ABCC4: variants seen among roughly 807,000 people sequenced by gnomAD.
The protein encoded by ABCC4 is ATP-binding cassette sub-family C member 4.
In ABCC4, 102 loss-of-function variants were observed where a neutral mutation model predicts 168.5. The observed-to-expected ratio is 0.61, with a 90% CI of 0.52 to 0.71. The LOEUF (loss-of-function observed/expected upper bound fraction) is 0.71, where lower values mean the gene tolerates loss of function less well. Ranked by LOEUF, ABCC4 falls within the 30% of genes least tolerant of loss-of-function variation. The pLI is 0.00. For synonymous variants in ABCC4, 617 were observed against 590.7 expected (o/e 1.04, Z -0.65); for missense variants, 1,402 against 1,605.8 (o/e 0.87, Z 2.17).
At chr13:95,179,340 G>C (rs1038412635) in intron 11 of ABCC4, among the ~76,000 whole-genome samples, 11 of 152,202 alleles carry the variant, frequency 7.2e-5, no homozygotes, top group African/African-American at 2.7e-4. Flanking sequence ...GTCAGGAAAA[G>C]CCAAAGGGAA....
chr13:95,054,021 C>CTTTTTTTTTTTTTTTTTTT (rs55980425), intron 26 of ABCC4: 3 of 71,636 alleles, frequency 4.2e-5, no homozygotes, highest in African/African-American at 2.2e-4. Flanking sequence ...ATGGGACATC[C>CTTTTTTTTTTTTTTTTTTT]TTTTTTTTTT....
intron 29 of ABCC4, among the ~76,000 whole-genome samples, chr13:95,038,351 CCTG>C (rs956936056): frequency 1.4e-5 from 2 of 141,290 alleles, no homozygotes; most frequent in Non-Finnish European, 3.0e-5. Context: ...AGTCCCAGCC[CCTG>C]CTTTTAGGAA....
intron 26 of ABCC4, among the ~76,000 whole-genome samples, chr13:95,058,055 C>G (rs145385842): frequency 1.3e-5 from 2 of 152,184 alleles, no homozygotes; most frequent in Non-Finnish European, 1.5e-5. Context: ...GATCTTCTGA[C>G]GCTCACTAGC....
At chr13:95,123,431 C>T (rs569215360) in intron 19 of ABCC4, among the ~76,000 whole-genome samples, 1 of 152,258 alleles carries the variant, frequency 6.6e-6, no homozygotes, top group South Asian at 2.1e-4. Context: ...AGCACGATCT[C>T]GGCTCACCGC....
At chr13:95,164,553 G>A in intron 15 of ABCC4, 35 bp from the exon 16 acceptor site, 6 of 1,611,958 alleles carry the variant, frequency 3.7e-6, no homozygotes, top group Non-Finnish European at 5.1e-6. Context: ...AGACAAAACA[G>A]TATACAAAAC....
chr13:95,290,145 T>C (rs1487089698), intron 1 of ABCC4, among the ~76,000 whole-genome samples: 1 of 150,246 alleles, frequency 6.7e-6, no homozygotes, highest in African/African-American at 2.5e-5. Context: ...GATAGATAGA[T>C]AGATGATAGA....
In ABCC4 at chr13:95,238,002, C is replaced by T. The variant is rs560553514; in HGVS notation, c.307-3168G>A. On this transcript the variant is annotated intron_variant, in intron 3 of 30. Transcript: ENST00000645237. ...TTGAGGTCAGGAGGTCAAGACCAGC[C>T]TGGCCAACATGGTGAAACCCCATCT... is the stretch of plus-strand genomic sequence containing the variant. 2.8e-4 allele frequency among the ~76,000 whole-genome samples: 42 copies of T among 152,034 alleles called. 1 individual carries two copies. The South Asian group carries it at 4.8e-3, about 17-fold the overall frequency.
At chr13:95,057,738 C>T (rs1427531207) in intron 26 of ABCC4, among the ~76,000 whole-genome samples, 4 of 152,202 alleles carry the variant, frequency 2.6e-5, no homozygotes, top group South Asian at 2.1e-4. Context: ...CACAGAAACT[C>T]GTGCTCCACA....
At chr13:95,218,353 C>T (rs1308141658) in intron 4 of ABCC4, among the ~76,000 whole-genome samples, 2 of 152,148 alleles carry the variant, frequency 1.3e-5, no homozygotes, top group East Asian at 1.9e-4. Flanking sequence ...CCTCCTTCCT[C>T]GTAAACATGA....
chr13:95,163,289 AC>A, intron 17 of ABCC4, 73 bp from the exon 18 acceptor site: 1 of 1,077,618 alleles, frequency 9.3e-7, no homozygotes. Flanking sequence ...TTAAAAATGA[AC>A]CACAATTTGG....
chr13:95,166,723 T>C (rs536780682), intron 14 of ABCC4, among the ~76,000 whole-genome samples: 47 of 152,168 alleles, frequency 3.1e-4, no homozygotes, highest in Non-Finnish European at 5.1e-4. Flanking sequence ...GAGGAGGATA[T>C]TCCAGGAAAG....
At chr13:95,296,100 TC>T (rs1346513985) in intron 1 of ABCC4, among the ~76,000 whole-genome samples, 2 of 148,470 alleles carry the variant, frequency 1.3e-5, no homozygotes, top group Non-Finnish European at 3.0e-5. Flanking sequence ...ATCACTGCAC[TC>T]CCACCTGGGC....
In ABCC4 at chr13:95,207,872, A is replaced by G; in HGVS notation, c.839T>C (p.Ile280Thr). ...DARIRTMNEV[I>T]TGIRIIKMYA... Reference sequence around the variant, plus strand: ...CATTTTTATTATCCTTATACCAGTTATAACTTCATTCATGGTCCTGATCCT... The same window carrying G: ...CATTTTTATTATCCTTATACCAGTTGTAACTTCATTCATGGTCCTGATCCT... Residue 280 changes from isoleucine (I) to threonine (T), a missense_variant, in exon 7 of 31, where the codon ATA becomes ACA. Physicochemically the swap from Ile to Thr is moderately conservative, Grantham distance 89. This residue lies in a region of ABCC4 where 317 missense variants were observed against 345.5 expected (regional missense o/e 0.92). Transcript: ENST00000645237. 1 of 1,613,904 alleles carries G rather than the reference A, an allele frequency of 6.2e-7. No homozygotes were observed. The highest frequency in any genetic ancestry group is 1.3e-5 in the African/African-American group (1 of 75,032).
chr13:95,121,461 C>G (rs2035569157), intron 19 of ABCC4, among the ~76,000 whole-genome samples: 1 of 148,294 alleles, frequency 6.7e-6, no homozygotes, highest in Non-Finnish European at 1.5e-5. Context: ...AGGTCTCACT[C>G]TGTTGCCCAG....
intron 20 of ABCC4, among the ~76,000 whole-genome samples, chr13:95,109,326 T>C (rs1385657944): frequency 1.3e-5 from 2 of 152,076 alleles, no homozygotes; most frequent in Admixed American, 6.6e-5. Context: ...AAAGAGAGAC[T>C]TTCGCTGGTC....
At chr13:95,265,526 T>C (rs2040646577) in intron 1 of ABCC4, among the ~76,000 whole-genome samples, 1 of 152,044 alleles carries the variant, frequency 6.6e-6, no homozygotes, top group African/African-American at 2.4e-5. Context: ...ATCCCAACAC[T>C]TTGGGAGGCT....
At chr13:95,180,069 A>T (rs1400284809) in intron 11 of ABCC4, among the ~76,000 whole-genome samples, 1 of 152,188 alleles carries the variant, frequency 6.6e-6, no homozygotes, top group Non-Finnish European at 1.5e-5. Context: ...CAAATGGAAA[A>T]AAACAGTATT....
At position 95,122,796 on chromosome 13, in the gene ABCC4, T is replaced by C. The variant is rs114581627; in HGVS notation, c.2456-6795A>G. Among the ~76,000 whole-genome samples, 272 of 150,296 alleles carry C rather than the reference T, an allele frequency of 1.8e-3. 4 individuals are homozygous for C. The highest frequency in any genetic ancestry group is 5.8e-3 in the African/African-American group (238 of 41,368). ...GCCTTTATACTGGACCGGCTACGGA[T>C]AACTGTGCTGCTTTTCTCAGAAACC... is the stretch of plus-strand genomic sequence containing the variant. On this transcript the variant is annotated intron_variant, in intron 19 of 30. Coordinates refer to ENST00000645237, the MANE Select transcript of ABCC4 (RefSeq NM_005845.5).
chr13:95,189,923 G>A (rs756199689), intron 9 of ABCC4, among the ~76,000 whole-genome samples: 8 of 151,986 alleles, frequency 5.3e-5, no homozygotes, highest in Non-Finnish European at 7.4e-5. Flanking sequence ...ACTCATTAGG[G>A]TATCAGAAAT....
Sources: gnomAD v4.1 joint callset for allele counts (sites outside exome capture counted in the v4.1 genomes callset) on GRCh38, gnomAD v4.1.1 for gene constraint, gnomAD v4.1.1 regional missense constraint, MANE v1.5 for transcripts, NCBI Gene and HGNC (gene_info 2026-07-23, HGNC 2026-07-21) for gene names.